Variants in FRMD4A observed in about 807,000 individuals in gnomAD.
FRMD4A encodes FERM domain-containing protein 4A.
In FRMD4A, 29 loss-of-function variants were observed where a neutral mutation model predicts 129.1. That is an observed-to-expected ratio of 0.22 (90% CI 0.17 to 0.31). FRMD4A has a LOEUF of 0.31. Among genes scored for constraint, FRMD4A ranks in the 10% least tolerant of loss-of-function variants. The pLI, the probability that FRMD4A is intolerant of heterozygous loss-of-function variation, is 1.00. For missense variants in FRMD4A, 1,272 were observed against 1,375.8 expected (o/e 0.92, Z 1.19); for synonymous variants, 634 against 571.6 (o/e 1.11, Z -1.56).
intron 2 of FRMD4A, among the ~76,000 whole-genome samples, chr10:13,937,009 T>A (rs922947495): frequency 6.6e-6 from 1 of 152,240 alleles, no homozygotes; most frequent in Non-Finnish European, 1.5e-5. Flanking sequence ...AAGGCAGGCA[T>A]GCATTGCCCT....
chr10:14,003,144 C>A (rs528584480), intron 2 of FRMD4A, among the ~76,000 whole-genome samples: 2 of 152,122 alleles, frequency 1.3e-5, no homozygotes, highest in East Asian at 1.9e-4. Context: ...CTGGCCACGG[C>A]GAGAAGGCAA....
At chr10:13,963,396 C>G (rs75588072) in intron 2 of FRMD4A, among the ~76,000 whole-genome samples, 2 of 149,372 alleles carry the variant, frequency 1.3e-5, no homozygotes, top group Non-Finnish European at 3.0e-5. Context: ...ATTGCCATAA[C>G]GAAATGATGA....
intron 12 of FRMD4A, chr10:13,707,348 G>GAACAA (rs1454576453): frequency 3.2e-6 from 4 of 1,234,724 alleles, no homozygotes; most frequent in Non-Finnish European, 4.1e-6. Flanking sequence ...TCCTTAACTG[G>GAACAA]AACAAAACAA....
intron 2 of FRMD4A, among the ~76,000 whole-genome samples, chr10:14,063,255 C>A (rs958138999): frequency 6.6e-6 from 1 of 151,490 alleles, no homozygotes; most frequent in African/African-American, 2.4e-5. Context: ...AGTGCGTGTT[C>A]GGTTCCAGCT....
chr10:14,037,759 AC>A lies in FRMD4A; in HGVS notation c.46-178848del, dbSNP rs1300188562. On this transcript the variant is annotated intron_variant, in intron 2 of 24. Coordinates refer to ENST00000357447, the MANE Select transcript of FRMD4A (RefSeq NM_018027.5). ...GTCTGACTCCCTCCACTCTTATGTT[AC>A]AGTGAGGGTGTGTACCATAAAACTT... is the stretch of plus-strand genomic sequence containing the variant. 1.1e-4 allele frequency among the ~76,000 whole-genome samples: 16 copies of A among 152,302 alleles called. No individual in the cohort carries two copies. In the East Asian group the frequency reaches 3.1e-3, roughly 29 times the overall value.
At chr10:14,269,531 T>G (rs770376591) in intron 2 of FRMD4A, among the ~76,000 whole-genome samples, 2 of 152,162 alleles carry the variant, frequency 1.3e-5, no homozygotes, top group Non-Finnish European at 2.9e-5. Context: ...TCAGAGCCAG[T>G]GGCGTTAACA....
At chr10:13,677,652 T>TCA (rs2084119208) in intron 15 of FRMD4A, among the ~76,000 whole-genome samples, 1 of 152,166 alleles carries the variant, frequency 6.6e-6, no homozygotes. Context: ...CATAAGCCAA[T>TCA]CACCCTGTGC....
chr10:14,308,782 C>T (rs1170815652), intron 2 of FRMD4A, among the ~76,000 whole-genome samples: 2 of 152,182 alleles, frequency 1.3e-5, no homozygotes, highest in African/African-American at 4.8e-5. Context: ...AACCAGTCCC[C>T]CATAATCACA....
At chr10:14,069,873 T>C (rs1360438630) in intron 2 of FRMD4A, among the ~76,000 whole-genome samples, 1 of 152,170 alleles carries the variant, frequency 6.6e-6, no homozygotes, top group Non-Finnish European at 1.5e-5. Context: ...CTCCTGGCCC[T>C]TTATTTGCCT....
At chr10:14,261,413 C>T (rs956519889) in intron 2 of FRMD4A, among the ~76,000 whole-genome samples, 7 of 152,142 alleles carry the variant, frequency 4.6e-5, no homozygotes, top group Non-Finnish European at 8.8e-5. Context: ...CTGTTGTCTA[C>T]TTGGGTATTC....
Position 14,125,722 on chromosome 10 carries a change from GACAC to G in FRMD4A, c.45+204332_45+204335del, listed in dbSNP as rs113478975. On this transcript the variant is annotated intron_variant, in intron 2 of 24. Transcript: ENST00000357447. ...CCAGTCTCTCTCTCTCTCACACACA[GACAC>G]ACACACACACACACGTGCACACTCA... Among the ~76,000 whole-genome samples, 22 of 149,074 alleles carry G rather than the reference GACAC, an allele frequency of 1.5e-4. 1 individual carries two copies. The East Asian group carries it at 2.2e-3, about 15-fold the overall frequency.
At position 14,209,551 on chromosome 10, in the gene FRMD4A, C is replaced by A. The variant is rs144107665; in HGVS notation, c.45+120507G>T. Reference sequence around the variant, plus strand: ...CCTGGCTAACATGGTGAAACCCCGTCTCTACTAAAAATACAAAAAATTAGC... The same window carrying A: ...CCTGGCTAACATGGTGAAACCCCGTATCTACTAAAAATACAAAAAATTAGC... On this transcript the variant is annotated intron_variant, in intron 2 of 24. Coordinates refer to ENST00000357447, the MANE Select transcript of FRMD4A (RefSeq NM_018027.5). Among the ~76,000 whole-genome samples the A allele has an allele frequency of 9.6e-3, 1,459 of 152,046 alleles. 21 individuals are homozygous for A. Among genetic ancestry groups the A allele is most frequent in the African/African-American group, 0.033 (1,350 of 41,452 alleles).
intron 2 of FRMD4A, among the ~76,000 whole-genome samples, chr10:14,236,233 G>A (rs1843809925): frequency 6.6e-6 from 1 of 152,212 alleles, no homozygotes; most frequent in African/African-American, 2.4e-5. Context: ...TCTTTAGGAG[G>A]ACTTGGGTCC....
chr10:13,864,154 C>T (rs550562496), intron 2 of FRMD4A, among the ~76,000 whole-genome samples: 176 of 151,848 alleles, frequency 1.2e-3, no homozygotes, highest in African/African-American at 4.1e-3. Context: ...TGCCAACACG[C>T]TCCTGTAATT....
intron 2 of FRMD4A, among the ~76,000 whole-genome samples, chr10:13,896,823 T>C (rs911859419): frequency 6.6e-6 from 1 of 152,192 alleles, no homozygotes; most frequent in African/African-American, 2.4e-5. Flanking sequence ...AATTGACAGA[T>C]AAAAAGCTTT....
intron 2 of FRMD4A, among the ~76,000 whole-genome samples, chr10:13,925,483 A>T (rs1343138936): frequency 6.8e-6 from 1 of 147,548 alleles, no homozygotes; most frequent in Non-Finnish European, 1.5e-5. Context: ...ATGCTCTTTA[A>T]TTTTAGTTTC....
intron 2 of FRMD4A, among the ~76,000 whole-genome samples, chr10:13,914,029 C>T (rs559914531): frequency 1.3e-5 from 2 of 152,192 alleles, no homozygotes; most frequent in Non-Finnish European, 2.9e-5. Flanking sequence ...ACCCCTCTCC[C>T]TCCCTGGAAA....
At chr10:14,199,934 G>A (rs991447582) in intron 2 of FRMD4A, among the ~76,000 whole-genome samples, 1 of 150,120 alleles carries the variant, frequency 6.7e-6, no homozygotes, top group African/African-American at 2.4e-5. Flanking sequence ...TATATTTATG[G>A]GGCACATGTG....
At chr10:14,126,215 G>C (rs537380303) in intron 2 of FRMD4A, among the ~76,000 whole-genome samples, 145 of 134,260 alleles carry the variant, frequency 1.1e-3, no homozygotes, top group South Asian at 1.4e-3. Flanking sequence ...CTGTTGCCCA[G>C]GCTGGAGTGC....
Sources: allele counts gnomAD v4.1 joint callset (sites outside exome capture counted in the v4.1 genomes callset), GRCh38; gene constraint gnomAD v4.1.1; transcripts MANE v1.5; gene names NCBI Gene and HGNC (gene_info 2026-07-23, HGNC 2026-07-21).